The following MAG variants were observed in gnomAD, a reference collection of about 807,000 sequenced individuals.
MAG encodes myelin-associated glycoprotein.
A neutral mutation model predicts 60.7 loss-of-function variants in MAG; 30 were observed. The observed-to-expected ratio is 0.49, with a 90% CI of 0.37 to 0.67. MAG has a LOEUF of 0.67. MAG is among the 30% of genes least tolerant of loss of function. MAG has a pLI of 0.00. For synonymous variants in MAG, 384 were observed against 376.8 expected (o/e 1.02, Z -0.22); for missense variants, 795 against 851.7 (o/e 0.93, Z 0.83).
chr19:35,301,068 A>C (rs998241101), intron 6 of MAG, among the ~76,000 whole-genome samples: 1 of 152,078 alleles, frequency 6.6e-6, no homozygotes, highest in African/African-American at 2.4e-5. Context: ...CAGAGAATCG[A>C]TATGTTCCCT....
chr19:35,295,914 C>T lies in MAG; in HGVS notation c.348C>T (p.Tyr116=), dbSNP rs1290311784. 1 of 1,613,886 alleles carries T rather than the reference C, an allele frequency of 6.2e-7. No individual in the cohort carries two copies. Among genetic ancestry groups the T allele is most frequent in the Middle Eastern group, 1.6e-4 (1 of 6,062 alleles). ...NVSPELGGKY[Y]FRGDLGGYNQ... is the part of the protein sequence containing the mutation. ...GCCCCGAGCTGGGCGGGAAGTACTA[C>T]TTCCGTGGGGACCTGGGCGGCTACA... Residue 116 remains tyrosine, a synonymous_variant, in exon 4 of 11, where the codon TAC becomes TAT. Transcript: ENST00000392213. This position sits in a 1 kb window ranked among gnomAD's most constrained non-coding sequence, Gnocchi z 5.8.
At position 35,296,001 on chromosome 19, in the gene MAG, G is replaced by A. The variant is rs1457632236; in HGVS notation, c.415+20G>A. On this transcript the variant is annotated intron_variant, in intron 4 of 10. Transcript: ENST00000392213. ...TCGTCAGTGAGTCCCCAGCGGTTGT[G>A]CAGGCACCGGGAGCTGGGGCAGCGG... The A allele has an allele frequency of 6.5e-7, 1 of 1,540,714 alleles. No individual in the cohort carries two copies. Among genetic ancestry groups the A allele is most frequent in the Admixed American group, 2.0e-5 (1 of 50,456 alleles).
At position 35,295,586 on chromosome 19, in the gene MAG, A is replaced by G. The variant is rs370255945; in HGVS notation, c.47-27A>G. The stretch of plus-strand genomic sequence containing the variant: ...GGTGATCGGGTAGGACGTGTCCCTG[A>G]GCCTCAGCTCTCCTGCTTGCCCGCA... On this transcript the variant is annotated intron_variant, in intron 3 of 10. Transcript: ENST00000392213. This position sits in a 1 kb window ranked among gnomAD's most constrained non-coding sequence, Gnocchi z 5.8. 6.3e-7 allele frequency: 1 copy of G among 1,594,222 alleles called. No individual in the cohort carries two copies. Among genetic ancestry groups the G allele is most frequent in the Non-Finnish European group, 8.5e-7 (1 of 1,171,238 alleles).
chr19:35,300,108 A>C (rs564408607), intron 5 of MAG, 39 bp from the exon 6 acceptor site: 15 of 1,501,542 alleles, frequency 1.0e-5, no homozygotes, highest in African/African-American at 9.7e-5. Flanking sequence ...CCGGTTCCCC[A>C]GCACCTGCTC....
chr19:35,312,143 A>C, intron 10 of MAG, 126 bp downstream of exon 10: 1 of 1,254,884 alleles, frequency 8.0e-7, no homozygotes, highest in East Asian at 2.3e-5. Context: ...GAGGAAGGAC[A>C]TTCCAGGGCT....
chr19:35,308,240 C>T (rs1302971938), intron 7 of MAG, among the ~76,000 whole-genome samples: 2 of 152,046 alleles, frequency 1.3e-5, no homozygotes, highest in East Asian at 1.9e-4. Flanking sequence ...CAGTTTGGAG[C>T]GAGGGAGGGC....
intron 7 of MAG, among the ~76,000 whole-genome samples, chr19:35,304,159 C>T (rs987970800): frequency 5.3e-5 from 8 of 152,354 alleles, no homozygotes; most frequent in African/African-American, 1.4e-4. Flanking sequence ...AGCCGTCCCT[C>T]TCCTGCTGAC....
Position 35,313,532 on chromosome 19 carries a change from C to T in MAG, c.*78C>T. 1 of 1,430,834 alleles carries T rather than the reference C, an allele frequency of 7.0e-7. No homozygotes were observed. The highest frequency in any genetic ancestry group is 9.3e-7 in the Non-Finnish European group (1 of 1,070,800). 88.6% of individuals were successfully genotyped at this position (1,430,834 alleles called of 1,614,324 possible). On this transcript the variant is annotated 3_prime_UTR_variant, in exon 11 of 11. Transcript: ENST00000392213. ...CCCACTGGCTGTGGGCTCCCTTCCT[C>T]CCAAAAGTATCGGGGGCTGGGGCAG...
chr19:35,307,064 G>A (rs1337293454), intron 7 of MAG, among the ~76,000 whole-genome samples: 4 of 152,378 alleles, frequency 2.6e-5, no homozygotes, highest in South Asian at 4.1e-4. Context: ...CATCCAGGTC[G>A]AACACTTTGT....
At position 35,295,516 on chromosome 19, in the gene MAG, TCCCCGCAG is replaced by T; in HGVS notation, c.46+67_46+74del. On this transcript the variant is annotated intron_variant, in intron 3 of 10. Coordinates refer to ENST00000392213, the MANE Select transcript of MAG (RefSeq NM_002361.4). This position sits in a 1 kb window ranked among gnomAD's most constrained non-coding sequence, Gnocchi z 5.8. Reference sequence around the variant, plus strand: ...GGCCCCTGAGCAGGTTGGAGGTGGGTCCCCGCAGCCCCCCGGCATGTGGTTGGGGATGG... The same window carrying T: ...GGCCCCTGAGCAGGTTGGAGGTGGGTCCCCCCGGCATGTGGTTGGGGATGG... 2 of 1,610,410 alleles carry T rather than the reference TCCCCGCAG, an allele frequency of 1.2e-6. No homozygotes were observed. The highest frequency in any genetic ancestry group is 2.2e-5 in the South Asian group (2 of 90,680).
intron 6 of MAG, among the ~76,000 whole-genome samples, chr19:35,300,844 C>T (rs1402171802): frequency 6.6e-6 from 1 of 152,220 alleles, no homozygotes; most frequent in Non-Finnish European, 1.5e-5. Context: ...AGCCTACTAC[C>T]CCAGCCTCCT....
intron 10 of MAG, 115 bp from the exon 11 acceptor site, chr19:35,313,175 C>A: frequency 8.6e-7 from 1 of 1,158,990 alleles, no homozygotes; most frequent in East Asian, 2.7e-5. Context: ...AGGAGGTTCT[C>A]GCAGGGATTT....
chr19:35,302,397 CAGA>C (rs1328920454), intron 6 of MAG, 48 bp from the exon 7 acceptor site: 4 of 1,599,308 alleles, frequency 2.5e-6, no homozygotes, highest in Non-Finnish European at 3.4e-6. Flanking sequence ...AGTTGGCTGG[CAGA>C]AGAAGCACCT....
chr19:35,307,548 A>G (rs748527252), intron 7 of MAG, among the ~76,000 whole-genome samples: 2 of 152,130 alleles, frequency 1.3e-5, no homozygotes, highest in African/African-American at 4.8e-5. Context: ...TTAGCCAGGC[A>G]TGGTGGCACG....
In MAG at chr19:35,295,168, G is replaced by A. The variant is rs2066386524; in HGVS notation, c.-23-218G>A. ...AAGCTGAGACAAGAGGATAACACGA[G>A]CTCAGGATTTTGAGGCTATAGTGAG... On this transcript the variant is annotated intron_variant, in intron 2 of 10. Coordinates refer to ENST00000392213, the MANE Select transcript of MAG (RefSeq NM_002361.4). The surrounding 1 kb of genome is among the most constrained non-coding windows in gnomAD (Gnocchi z 5.8). Among the ~76,000 whole-genome samples the A allele has an allele frequency of 6.6e-6, 1 of 152,160 alleles. No individual in the cohort carries two copies. The highest frequency in any genetic ancestry group is 2.4e-5 in the African/African-American group (1 of 41,426).
Position 35,295,382 on chromosome 19 carries a change from C to T in MAG, c.-23-4C>T, listed in dbSNP as rs369749032. The T allele has an allele frequency of 4.3e-6, 7 of 1,612,614 alleles. No individual in the cohort carries two copies. In the South Asian group the frequency reaches 6.6e-5, roughly 15 times the overall value. On this transcript the variant is annotated splice_polypyrimidine_tract_variant and splice_region_variant and intron_variant, in intron 2 of 10. Coordinates refer to ENST00000392213, the MANE Select transcript of MAG (RefSeq NM_002361.4). This position sits in a 1 kb window ranked among gnomAD's most constrained non-coding sequence, Gnocchi z 5.8. ...GCCTTTAACCCTCTCCTCTCCCTTT[C>T]CAGCGATCACTCACTCGCTGTACAG...
chr19:35,297,956 CCAAA>C (rs969623512), intron 4 of MAG, among the ~76,000 whole-genome samples: 13 of 144,402 alleles, frequency 9.0e-5, no homozygotes, highest in Admixed American at 2.8e-4. Flanking sequence ...ACACACCACA[CCAAA>C]CACACACCAC....
At chr19:35,304,571 C>T (rs1475025019) in intron 7 of MAG, among the ~76,000 whole-genome samples, 2 of 151,874 alleles carry the variant, frequency 1.3e-5, no homozygotes, top group African/African-American at 2.4e-5. Context: ...GACTGAGTCT[C>T]GCTCTGTCAC....
intron 1 of MAG, among the ~76,000 whole-genome samples, chr19:35,292,667 G>A (rs940960443): frequency 7.3e-5 from 11 of 150,972 alleles, no homozygotes; most frequent in Non-Finnish European, 1.0e-4. Context: ...GTGTGTGTGC[G>A]TGTGCGTGCA....
Sources: gnomAD v4.1 joint callset for allele counts (sites outside exome capture counted in the v4.1 genomes callset) on GRCh38, gnomAD v4.1.1 for gene constraint, Gnocchi (gnomAD v3.1) non-coding constraint, MANE v1.5 for transcripts, NCBI Gene and HGNC (gene_info 2026-07-23, HGNC 2026-07-21) for gene names.